The following DOCK1 variants were observed in gnomAD, a reference collection of about 807,000 sequenced individuals.
DOCK1 encodes dedicator of cytokinesis 1, also known as dedicator of cytokinesis protein 1.
DOCK1 carries 138 observed loss-of-function variants against 262.7 expected under a neutral mutation model. The observed-to-expected ratio is 0.53, with a 90% CI of 0.46 to 0.61. The LOEUF (loss-of-function observed/expected upper bound fraction) is 0.61, where lower values mean the gene tolerates loss of function less well. Ranked by LOEUF, DOCK1 falls within the 20% of genes least tolerant of loss-of-function variation. The pLI is 0.00. For missense variants in DOCK1, 1,908 were observed against 2,370.7 expected, an observed-to-expected ratio of 0.80 and a Z score of 4.05; for synonymous variants, 866 against 867.4, an observed-to-expected ratio of 1.00 and a Z score of 0.03.
chr10:127,200,958 T>C (rs1478975073), intron 27 of DOCK1, among the ~76,000 whole-genome samples: 1 of 152,110 alleles, frequency 6.6e-6, no homozygotes, highest in East Asian at 1.9e-4. Flanking sequence ...AAGAGACTCA[T>C]AGATGAGCCC....
intron 25 of DOCK1, among the ~76,000 whole-genome samples, chr10:127,114,605 A>T (rs1436161929): frequency 1.3e-5 from 2 of 148,790 alleles, no homozygotes; most frequent in Admixed American, 1.4e-4. Context: ...TGCAGTTCAG[A>T]TCTGTGCATT....
At chr10:127,132,197 C>T (rs189116580) in intron 27 of DOCK1, among the ~76,000 whole-genome samples, 3 of 152,286 alleles carry the variant, frequency 2.0e-5, no homozygotes, top group Admixed American at 1.3e-4. Context: ...TACAAAAACT[C>T]GACTTTGCAG....
At position 127,175,942 on chromosome 10, in the gene DOCK1, C is replaced by T. The variant is rs150007430; in HGVS notation, c.2847+48178C>T. 8.1e-6 allele frequency: 13 copies of T among 1,614,080 alleles called. No individual in the cohort carries two copies. The highest frequency in any genetic ancestry group is 1.3e-5 in the African/African-American group (1 of 74,934). ...CGGGCCTCCTCCATGGGTCCAGCCTCGTTCTTCTCTTTCGCATCTGTTAGA... is the reference window on the plus strand; with the variant it reads ...CGGGCCTCCTCCATGGGTCCAGCCTTGTTCTTCTCTTTCGCATCTGTTAGA... On this transcript the variant is annotated intron_variant, in intron 27 of 51. Coordinates refer to ENST00000623213, the MANE Select transcript of DOCK1 (RefSeq NM_001290223.2). This position sits in a 1 kb window ranked among gnomAD's most constrained non-coding sequence, Gnocchi z 6.3.
rs2055189867 is a variant in DOCK1, at chr10:127,176,653, G to A, written c.2847+48889G>A. Among the ~76,000 whole-genome samples the A allele has an allele frequency of 6.6e-6, 1 of 152,180 alleles. No homozygotes were observed. The highest frequency in any genetic ancestry group is 2.4e-5 in the African/African-American group (1 of 41,444). ...CACTCGCTTTCCTTTTGACAGTAATGCATGTTTCCCCATTAGACAAACCTG... is the reference window on the plus strand; with the variant it reads ...CACTCGCTTTCCTTTTGACAGTAATACATGTTTCCCCATTAGACAAACCTG... On this transcript the variant is annotated intron_variant, in intron 27 of 51. Transcript: ENST00000623213. This position sits in a 1 kb window ranked among gnomAD's most constrained non-coding sequence, Gnocchi z 4.4.
intron 23 of DOCK1, among the ~76,000 whole-genome samples, chr10:127,072,570 A>G (rs1237940684): frequency 6.6e-6 from 1 of 152,238 alleles, no homozygotes; most frequent in Non-Finnish European, 1.5e-5. Flanking sequence ...ATACAAAGGT[A>G]GTCACCATGA....
chr10:127,399,288 G>A (rs1248499615), intron 38 of DOCK1, among the ~76,000 whole-genome samples: 3 of 152,278 alleles, frequency 2.0e-5, no homozygotes, highest in South Asian at 2.1e-4. Context: ...GTGTTCAATC[G>A]CAGAGGTTAA....
In DOCK1 at chr10:127,404,741, C is replaced by T. The variant is rs947498387; in HGVS notation, c.4122+312C>T. ...CTTAGCCATTTTTAGGTGTGTAGTT[C>T]GGTGGCATTAATACAGTCACGTTGT... On this transcript the variant is annotated intron_variant, in intron 40 of 51. Transcript: ENST00000623213. 7.9e-5 allele frequency among the ~76,000 whole-genome samples: 12 copies of T among 152,108 alleles called. No individual in the cohort carries two copies. The South Asian group carries it at 1.5e-3, about 19-fold the overall frequency.
At chr10:127,406,506 G>A (rs939651806) in intron 40 of DOCK1, among the ~76,000 whole-genome samples, 2 of 152,234 alleles carry the variant, frequency 1.3e-5, no homozygotes, top group Non-Finnish European at 2.9e-5. Flanking sequence ...TCACAGATGA[G>A]CTGGCAGGGG....
intron 29 of DOCK1, among the ~76,000 whole-genome samples, chr10:127,301,595 T>C (rs1461535831): frequency 6.6e-6 from 1 of 152,112 alleles, no homozygotes; most frequent in Admixed American, 6.5e-5. Context: ...GGAAATCAAA[T>C]GTATTATGGG....
At chr10:127,401,958 C>T (rs2067250074) in intron 38 of DOCK1, among the ~76,000 whole-genome samples, 1 of 152,206 alleles carries the variant, frequency 6.6e-6, no homozygotes, top group South Asian at 2.1e-4. Flanking sequence ...AAAGCCTGGC[C>T]TGTTGGGTGG....
intron 23 of DOCK1, 126 bp downstream of exon 23, chr10:127,061,902 G>T: frequency 3.8e-5 from 16 of 425,998 alleles, no homozygotes; most frequent in East Asian, 5.1e-5. Context: ...TAATGTCAGA[G>T]ATCTCAATTT....
chr10:127,377,179 AAAAT>A (rs1275396486), intron 35 of DOCK1, among the ~76,000 whole-genome samples: 2 of 152,200 alleles, frequency 1.3e-5, no homozygotes, highest in African/African-American at 4.8e-5. Context: ...TTTCATTTAG[AAAAT>A]AAATCTGTGG....
chr10:126,962,026 C>T (rs1215637683), intron 1 of DOCK1, among the ~76,000 whole-genome samples: 28 of 152,146 alleles, frequency 1.8e-4, no homozygotes, highest in African/African-American at 6.0e-4. Flanking sequence ...GAGACAGGGT[C>T]TCACTCTGTC....
chr10:127,083,111 A>G (rs2047001353), intron 23 of DOCK1, among the ~76,000 whole-genome samples: 1 of 152,190 alleles, frequency 6.6e-6, no homozygotes, highest in South Asian at 2.1e-4. Context: ...CATTAAACAC[A>G]TAGAGGAGGC....
chr10:127,249,048 C>T (rs939841248), intron 28 of DOCK1, among the ~76,000 whole-genome samples: 3 of 152,096 alleles, frequency 2.0e-5, no homozygotes, highest in African/African-American at 4.8e-5. Flanking sequence ...TTATCTTCCA[C>T]GAAACTGATC....
At chr10:127,106,365 T>A in intron 24 of DOCK1, 64 bp downstream of exon 24, 1 of 1,529,140 alleles carries the variant, frequency 6.5e-7, no homozygotes, top group Non-Finnish European at 8.9e-7. Flanking sequence ...TCAGTGTGCT[T>A]AGTTTATGGG....
At chr10:127,075,424 A>G (rs2135959965) in intron 23 of DOCK1, among the ~76,000 whole-genome samples, 1 of 152,196 alleles carries the variant, frequency 6.6e-6, no homozygotes, top group South Asian at 2.1e-4. Context: ...GGCCAGCACC[A>G]CCACAGATGG....
intron 25 of DOCK1, among the ~76,000 whole-genome samples, chr10:127,121,993 C>T (rs1223117789): frequency 2.6e-5 from 4 of 152,188 alleles, no homozygotes; most frequent in African/African-American, 4.8e-5. Flanking sequence ...AAGGCTTCTG[C>T]TCTTATGGAG....
chr10:127,023,332 T>C lies in DOCK1; in HGVS notation c.1452+8T>C, dbSNP rs1043151227. The C allele has an allele frequency of 3.7e-6, 6 of 1,613,552 alleles. No individual in the cohort carries two copies. Among genetic ancestry groups the C allele is most frequent in the South Asian group, 1.1e-5 (1 of 91,012 alleles). On this transcript the variant is annotated splice_region_variant and intron_variant, in intron 14 of 51. Coordinates refer to ENST00000623213, the MANE Select transcript of DOCK1 (RefSeq NM_001290223.2). The stretch of plus-strand genomic sequence containing the variant: ...GATGGGAAACGATTAGAGGTATTTA[T>C]TGTGGCGAGGGCTCATCTGTAGTGT...
Sources: allele counts gnomAD v4.1 joint callset (sites outside exome capture counted in the v4.1 genomes callset), GRCh38; gene constraint gnomAD v4.1.1; non-coding constraint Gnocchi (gnomAD v3.1); transcripts MANE v1.5; gene names NCBI Gene and HGNC (gene_info 2026-07-23, HGNC 2026-07-21).